Variants in CNTN1 observed in about 807,000 individuals in gnomAD.
CNTN1 encodes contactin 1.
A neutral mutation model predicts 126.4 loss-of-function variants in CNTN1; 38 were observed. The ratio of observed to expected loss-of-function variants is 0.30; its 90% CI spans 0.23 to 0.39. CNTN1 has a LOEUF of 0.39. Among genes scored for constraint, CNTN1 ranks in the 10% least tolerant of loss-of-function variants. The pLI is 1.00. For missense variants in CNTN1, 1,009 were observed against 1,248.4 expected, an observed-to-expected ratio of 0.81 and a Z score of 2.89; for synonymous variants, 413 against 422.6, an observed-to-expected ratio of 0.98 and a Z score of 0.28.
chr12:41,041,594 C>A (rs1369144537), intron 23 of CNTN1, among the ~76,000 whole-genome samples: 1 of 152,092 alleles, frequency 6.6e-6, no homozygotes, highest in African/African-American at 2.4e-5. Context: ...AATTTCAGAG[C>A]CTGTTATTGG....
intron 1 of CNTN1, among the ~76,000 whole-genome samples, chr12:40,804,037 T>C (rs1215740430): frequency 6.6e-6 from 1 of 151,978 alleles, no homozygotes; most frequent in Non-Finnish European, 1.5e-5. Flanking sequence ...ATTTATCTAG[T>C]TCCAAACTTT....
rs1028607320 is a variant in CNTN1 at position 40,938,768 on chromosome 12, T to C, written c.1229-567T>C. On this transcript the variant is annotated intron_variant, in intron 11 of 23. Transcript: ENST00000551295. ...AGGTAAATGTGTATAAAACATTTGATTGAAATTGAAGTTATTTATTTATTG... is the reference window on the plus strand; with the variant it reads ...AGGTAAATGTGTATAAAACATTTGACTGAAATTGAAGTTATTTATTTATTG... Among the ~76,000 whole-genome samples the C allele has an allele frequency of 7.9e-5, 12 of 152,248 alleles. No homozygotes were observed. The East Asian group carries it at 2.3e-3, about 29-fold the overall frequency.
rs573773410 is a variant in CNTN1, at chr12:40,700,294, G to A, written c.-77+7702G>A. Reference sequence around the variant, plus strand: ...TGTAATCCCAGCACTTTGGGAGGACGAGGCGGGCAGATCATGAGGTCAGGA... The same window carrying A: ...TGTAATCCCAGCACTTTGGGAGGACAAGGCGGGCAGATCATGAGGTCAGGA... On this transcript the variant is annotated intron_variant, in intron 1 of 23. Transcript: ENST00000551295. Among the ~76,000 whole-genome samples the A allele has an allele frequency of 5.9e-5, 9 of 152,136 alleles. No individual in the cohort carries two copies. In the East Asian group the frequency reaches 1.4e-3, roughly 23 times the overall value.
intron 1 of CNTN1, among the ~76,000 whole-genome samples, chr12:40,703,784 A>T (rs1941661567): frequency 1.4e-5 from 1 of 71,612 alleles, no homozygotes; most frequent in South Asian, 7.5e-4. Flanking sequence ...CTTCATTTAT[A>T]TTGTTGGTGA....
chr12:40,884,632 G>T (rs12582480), intron 1 of CNTN1, among the ~76,000 whole-genome samples: 14,844 of 151,324 alleles, frequency 0.098, 860 homozygotes, highest in Non-Finnish European at 0.13. Context: ...TTTTAATGCT[G>T]TGCAAATTTT....
At chr12:40,784,550 A>G (rs1173647584) in intron 1 of CNTN1, among the ~76,000 whole-genome samples, 1 of 152,172 alleles carries the variant, frequency 6.6e-6, no homozygotes, top group Non-Finnish European at 1.5e-5. Flanking sequence ...TGAGCGGGCT[A>G]GAAAAGAAAG....
intron 1 of CNTN1, among the ~76,000 whole-genome samples, chr12:40,717,529 T>A (rs1045840392): frequency 1.3e-5 from 2 of 152,170 alleles, no homozygotes; most frequent in African/African-American, 4.8e-5. Flanking sequence ...CCATCCAAAT[T>A]GGTATTTAAA....
intron 1 of CNTN1, among the ~76,000 whole-genome samples, chr12:40,714,933 T>G (rs1942011404): frequency 6.6e-6 from 1 of 152,104 alleles, no homozygotes; most frequent in Non-Finnish European, 1.5e-5. Flanking sequence ...GAACTTCAAG[T>G]CCTCATGGTC....
intron 23 of CNTN1, among the ~76,000 whole-genome samples, chr12:41,064,408 T>G (rs1295032613): frequency 6.6e-6 from 1 of 152,214 alleles, no homozygotes; most frequent in East Asian, 1.9e-4. Context: ...CTTATGCCAT[T>G]GTTTGCTTTA....
intron 16 of CNTN1, among the ~76,000 whole-genome samples, chr12:40,987,470 T>G (rs1947983235): frequency 6.6e-6 from 1 of 152,172 alleles, no homozygotes; most frequent in South Asian, 2.1e-4. Flanking sequence ...GATTCTATGC[T>G]GTTGTTTTCA....
chr12:40,822,401 CGCCTCGGGCTCCCAAAGT>C (rs1941478742), intron 1 of CNTN1, among the ~76,000 whole-genome samples: 1 of 151,624 alleles, frequency 6.6e-6, no homozygotes, highest in South Asian at 2.1e-4. Context: ...GTGATCCGCT[CGCCTCGGGCTCCCAAAGT>C]GCTGGGAAAA....
chr12:40,714,593 T>C (rs1461389836), intron 1 of CNTN1, among the ~76,000 whole-genome samples: 1 of 152,138 alleles, frequency 6.6e-6, no homozygotes, highest in East Asian at 1.9e-4. Flanking sequence ...CAGGCTTTCA[T>C]TTATTCAGCC....
At chr12:40,753,624 C>T (rs945224220) in intron 1 of CNTN1, among the ~76,000 whole-genome samples, 6 of 152,024 alleles carry the variant, frequency 3.9e-5, no homozygotes, top group Admixed American at 2.0e-4. Flanking sequence ...GCAACGTGGA[C>T]GTAACTGCTC....
intron 15 of CNTN1, among the ~76,000 whole-genome samples, chr12:40,977,991 T>TC (rs2137060990): frequency 6.6e-6 from 1 of 152,034 alleles, no homozygotes; most frequent in African/African-American, 2.4e-5. Context: ...TTCGTAGAGA[T>TC]CCGGTTTCAC....
chr12:41,024,631 T>G (rs1380780570), intron 20 of CNTN1, among the ~76,000 whole-genome samples: 1 of 152,172 alleles, frequency 6.6e-6, no homozygotes, highest in Non-Finnish European at 1.5e-5. Flanking sequence ...GAAATAACAT[T>G]AGATACTTCT....
intron 23 of CNTN1, among the ~76,000 whole-genome samples, chr12:41,041,685 T>C (rs2120952180): frequency 6.6e-6 from 1 of 152,312 alleles, no homozygotes. Context: ...TCTTCTAGAT[T>C]TTCTAGTTTA....
At position 41,071,807 on chromosome 12, in the gene CNTN1, C is replaced by T. The variant is rs538821726; in HGVS notation, c.*1772C>T. The stretch of plus-strand genomic sequence containing the variant: ...TCTTCATACTTTAGGGAAACGAATA[C>T]CCTGTATACCTTCTGTACAAATGTT... On this transcript the variant is annotated 3_prime_UTR_variant, in exon 24 of 24. Transcript: ENST00000551295. The T allele has an allele frequency of 1.3e-5, 2 of 152,240 alleles. No individual in the cohort carries two copies. Among genetic ancestry groups the T allele is most frequent in the African/African-American group, 2.4e-5 (1 of 41,556 alleles). 9.4% of individuals were successfully genotyped at this position (152,240 alleles called of 1,614,324 possible). A position where few individuals can be genotyped will look rare whatever the true frequency, so the allele number is the denominator to read the frequency against.
intron 1 of CNTN1, among the ~76,000 whole-genome samples, chr12:40,852,403 T>C (rs180840284): frequency 2.0e-5 from 3 of 152,312 alleles, no homozygotes; most frequent in Admixed American, 2.0e-4. Context: ...TGGCTCTCTC[T>C]GGGACCAGTG....
At chr12:40,784,521 T>C (rs532645235) in intron 1 of CNTN1, among the ~76,000 whole-genome samples, 95 of 152,266 alleles carry the variant, frequency 6.2e-4, no homozygotes, top group African/African-American at 2.2e-3. Flanking sequence ...TGTAAGAAAC[T>C]TGTTTTTAAA....
Sources: allele counts gnomAD v4.1 joint callset (sites outside exome capture counted in the v4.1 genomes callset), GRCh38; gene constraint gnomAD v4.1.1; transcripts MANE v1.5; gene names NCBI Gene and HGNC (gene_info 2026-07-23, HGNC 2026-07-21).